Variants in KLHL7 observed in about 807,000 individuals in gnomAD.
KLHL7 encodes kelch-like protein 7.
In KLHL7, 44 loss-of-function variants were observed where a neutral mutation model predicts 67.4. The ratio of observed to expected loss-of-function variants is 0.65; its 90% CI spans 0.51 to 0.84. The LOEUF (loss-of-function observed/expected upper bound fraction) is 0.84. KLHL7 is among the 40% of genes least tolerant of loss of function. The pLI is 0.00. For missense variants in KLHL7, 362 were observed against 718.1 expected, an observed-to-expected ratio of 0.50 and a Z score of 5.67; for synonymous variants, 252 against 243.3, an observed-to-expected ratio of 1.04 and a Z score of -0.33.
chr7:23,164,137 C>T (rs1340821106), intron 7 of KLHL7, among the ~76,000 whole-genome samples: 1 of 151,464 alleles, frequency 6.6e-6, no homozygotes, highest in African/African-American at 2.4e-5. Context: ...ACAAGACTGA[C>T]TTCCCATCTA....
At position 23,167,849 on chromosome 7, in the gene KLHL7, G is replaced by C; in HGVS notation, c.1191G>C (p.Leu397=). ...SGGSEVGNSA[L]YLFECYDTRT... Reference sequence around the variant, plus strand: ...TTTCTTTTACAGGAAACTCAGCTCTGTATTTATTTGAGTGCTATGATACGA... The same window carrying C: ...TTTCTTTTACAGGAAACTCAGCTCTCTATTTATTTGAGTGCTATGATACGA... The change falls in exon 9 of 11, where the codon CTG becomes CTC. Residue 397 remains leucine, a synonymous_variant. Transcript: ENST00000339077. 1 of 1,614,128 alleles carries C rather than the reference G, an allele frequency of 6.2e-7. No homozygotes were observed.
At chr7:23,157,159 T>A (rs959896141) in intron 7 of KLHL7, among the ~76,000 whole-genome samples, 4 of 152,336 alleles carry the variant, frequency 2.6e-5, no homozygotes. Context: ...GAAAATGGTG[T>A]TACATCACAA....
chr7:23,115,799 T>A (rs991006840), intron 1 of KLHL7, among the ~76,000 whole-genome samples: 4 of 152,138 alleles, frequency 2.6e-5, no homozygotes, highest in African/African-American at 9.7e-5. Context: ...GGCCTCAGCC[T>A]CCCAAAGTGC....
intron 4 of KLHL7, among the ~76,000 whole-genome samples, chr7:23,139,762 A>G (rs924908306): frequency 1.3e-5 from 2 of 152,248 alleles, no homozygotes; most frequent in African/African-American, 4.8e-5. Flanking sequence ...ATACAAAAAT[A>G]ATTTGTAGTT....
In KLHL7 at chr7:23,131,663, T is replaced by C. The variant is rs1783803061; in HGVS notation, c.442+6491T>C. Among the ~76,000 whole-genome samples the C allele has an allele frequency of 2.6e-5, 4 of 152,200 alleles. No individual in the cohort carries two copies. In the South Asian group the frequency reaches 8.3e-4, roughly 32 times the overall value. On this transcript the variant is annotated intron_variant, in intron 4 of 10. Coordinates refer to ENST00000339077, the MANE Select transcript of KLHL7 (RefSeq NM_001031710.3). ...ACAATCCAATTACACTCTAAGTTAT[T>C]TTAAAGTGTACAATTAAGTATTGAC...
intron 9 of KLHL7, among the ~76,000 whole-genome samples, chr7:23,169,305 GATTA>G (rs1785089731): frequency 1.3e-5 from 2 of 152,118 alleles, no homozygotes; most frequent in South Asian, 2.1e-4. Flanking sequence ...TATAAAATAT[GATTA>G]ATTATGTGCA....
chr7:23,106,672 A>C lies in KLHL7; in HGVS notation c.120+526A>C, dbSNP rs1479650573. On this transcript the variant is annotated intron_variant, in intron 1 of 10. Transcript: ENST00000339077. The stretch of plus-strand genomic sequence containing the variant: ...GTTCGTGCTAATTTAGAGCAGAAGC[A>C]GCCATCGATAAATACCATGCCATCT... 5 of 1,011,220 alleles carry C rather than the reference A, an allele frequency of 4.9e-6. No individual in the cohort carries two copies. In the African/African-American group the frequency reaches 8.7e-5, roughly 17 times the overall value. The allele number at this position is 1,011,220 out of a possible 1,614,324, so 62.6% of individuals were successfully genotyped here.
intron 1 of KLHL7, among the ~76,000 whole-genome samples, chr7:23,121,674 C>T (rs1783348134): frequency 7.4e-6 from 1 of 135,104 alleles, no homozygotes. Flanking sequence ...ATAGGTCAGT[C>T]CCATCCTTTT....
At position 23,105,846 on chromosome 7, in the gene KLHL7, C is replaced by A; in HGVS notation, c.-181C>A. Reference sequence around the variant, plus strand: ...CGCTCCCTGAGCGTTTCTAAGGGGGCCGCCCGGCCTTGTCTTTCGGCAGTG... The same window carrying A: ...CGCTCCCTGAGCGTTTCTAAGGGGGACGCCCGGCCTTGTCTTTCGGCAGTG... On this transcript the variant is annotated 5_prime_UTR_variant, in exon 1 of 11. Coordinates refer to ENST00000339077, the MANE Select transcript of KLHL7 (RefSeq NM_001031710.3). 1.1e-6 allele frequency: 1 copy of A among 902,390 alleles called. No individual in the cohort carries two copies. Among genetic ancestry groups the A allele is most frequent in the Non-Finnish European group, 1.7e-6 (1 of 584,548 alleles). 55.9% of individuals were successfully genotyped at this position (902,390 alleles called of 1,614,324 possible). A position where few individuals can be genotyped will look rare whatever the true frequency, so the allele number is the denominator to read the frequency against.
intron 4 of KLHL7, chr7:23,125,940 T>C (rs1783554844): frequency 2.5e-6 from 3 of 1,190,578 alleles, no homozygotes; most frequent in African/African-American, 1.5e-5. Context: ...CTGAATCCTA[T>C]ATATACTGTG....
intron 4 of KLHL7, among the ~76,000 whole-genome samples, chr7:23,139,904 C>CTT (rs74942994): frequency 2.1e-5 from 3 of 143,784 alleles, no homozygotes; most frequent in Admixed American, 7.0e-5. Context: ...TTCTCCTCCT[C>CTT]TTTTTTTTTT....
intron 1 of KLHL7, among the ~76,000 whole-genome samples, chr7:23,118,651 G>A (rs1364104488): frequency 1.3e-5 from 2 of 152,160 alleles, no homozygotes; most frequent in Non-Finnish European, 2.9e-5. Flanking sequence ...GGGGAAGAGG[G>A]AATACATTAT....
At position 23,177,581 on chromosome 7, in the gene KLHL7, G is replaced by A. The variant is rs569898220; in HGVS notation, c.*3283G>A. On this transcript the variant is annotated 3_prime_UTR_variant, in exon 11 of 11. Coordinates refer to ENST00000339077, the MANE Select transcript of KLHL7 (RefSeq NM_001031710.3). ...TACTGACAAGCACATTTTCTATTTT[G>A]TTGCCCAAAACTCCCTGTCCTGTAA... is the stretch of plus-strand genomic sequence containing the variant. 1 of 152,062 alleles carries A rather than the reference G, an allele frequency of 6.6e-6. No homozygotes were observed. The highest frequency in any genetic ancestry group is 1.9e-4 in the East Asian group (1 of 5,182). 9.4% of individuals were successfully genotyped at this position (152,062 alleles called of 1,614,324 possible).
In KLHL7 at chr7:23,175,324, T is replaced by G. The variant is rs760505756; in HGVS notation, c.*1026T>G. 1 of 454,088 alleles carries G rather than the reference T, an allele frequency of 2.2e-6. No homozygotes were observed. Among genetic ancestry groups the G allele is most frequent in the South Asian group, 1.6e-5 (1 of 64,450 alleles). The allele number at this position is 454,088 out of a possible 1,614,324, so 28.1% of individuals were successfully genotyped here. A position where few individuals can be genotyped will look rare whatever the true frequency, so the allele number is the denominator to read the frequency against. On this transcript the variant is annotated 3_prime_UTR_variant, in exon 11 of 11. Coordinates refer to ENST00000339077, the MANE Select transcript of KLHL7 (RefSeq NM_001031710.3). ...ACCCAACTACTCATTTCCTTCCTAG[T>G]AATACTTTGCCTTTTTCACTGTGTA...
At chr7:23,140,692 G>A in intron 4 of KLHL7, 77 bp from the exon 5 acceptor site, 1 of 1,219,116 alleles carries the variant, frequency 8.2e-7, no homozygotes, top group Non-Finnish European at 1.2e-6. Flanking sequence ...TTTTCCTGAA[G>A]TCATGCTTCA....
chr7:23,146,579 C>A (rs4504540), intron 6 of KLHL7, among the ~76,000 whole-genome samples: 1 of 151,724 alleles, frequency 6.6e-6, no homozygotes, highest in East Asian at 1.9e-4. Flanking sequence ...AAGGTCTTCC[C>A]TGTTCCAAGG....
Position 23,151,986 on chromosome 7 carries a change from C to G in KLHL7, c.794-81C>G, listed in dbSNP as rs1784550205. On this transcript the variant is annotated intron_variant, in intron 6 of 10. Transcript: ENST00000339077. ...AAAGTAAGTTACTGAAATAAAGGCC[C>G]TATTATGTCTGGGTATTTCGTTTTC... 2.3e-6 allele frequency: 3 copies of G among 1,328,368 alleles called. No homozygotes were observed. The East Asian group carries it at 6.9e-5, about 31-fold the overall frequency. The allele number at this position is 1,328,368 out of a possible 1,614,324, so 82.3% of individuals were successfully genotyped here. A position where few individuals can be genotyped will look rare whatever the true frequency, so the allele number is the denominator to read the frequency against.
At position 23,177,356 on chromosome 7, in the gene KLHL7, C is replaced by T. The variant is rs1785313543; in HGVS notation, c.*3058C>T. 1 of 152,168 alleles carries T rather than the reference C, an allele frequency of 6.6e-6. No homozygotes were observed. Among genetic ancestry groups the T allele is most frequent in the Non-Finnish European group, 1.5e-5 (1 of 68,032 alleles). 9.4% of individuals were successfully genotyped at this position (152,168 alleles called of 1,614,324 possible). A position where few individuals can be genotyped will look rare whatever the true frequency, so the allele number is the denominator to read the frequency against. ...GTACCTGTCTAAGATATTTTAAGTACACCAGCATTTCCTTTTAGGCTATGT... is the reference window on the plus strand; with the variant it reads ...GTACCTGTCTAAGATATTTTAAGTATACCAGCATTTCCTTTTAGGCTATGT... On this transcript the variant is annotated 3_prime_UTR_variant, in exon 11 of 11. Coordinates refer to ENST00000339077, the MANE Select transcript of KLHL7 (RefSeq NM_001031710.3).
chr7:23,119,023 A>T (rs1481064067), intron 1 of KLHL7, among the ~76,000 whole-genome samples: 1 of 152,130 alleles, frequency 6.6e-6, no homozygotes, highest in Non-Finnish European at 1.5e-5. Context: ...GTAAGCCGAG[A>T]TTGCACCACT....
Sources: allele counts gnomAD v4.1 joint callset (sites outside exome capture counted in the v4.1 genomes callset), GRCh38; gene constraint gnomAD v4.1.1; transcripts MANE v1.5; gene names NCBI Gene and HGNC (gene_info 2026-07-23, HGNC 2026-07-21).